Variants in VPS37A observed in about 807,000 individuals in gnomAD.
The protein encoded by VPS37A is vacuolar protein sorting-associated protein 37A.
In VPS37A, 30 loss-of-function variants were observed where a neutral mutation model predicts 49.8. The ratio of observed to expected loss-of-function variants is 0.60; its 90% CI spans 0.45 to 0.82. The LOEUF is 0.82. Among genes scored for constraint, VPS37A ranks in the 40% least tolerant of loss-of-function variants. VPS37A has a pLI of 0.00. For synonymous variants in VPS37A, 195 were observed against 160.6 expected, an observed-to-expected ratio of 1.21 and a Z score of -1.62; for missense variants, 593 against 464.4, an observed-to-expected ratio of 1.28 and a Z score of -2.55.
chr8:17,249,884 A>T (rs530175067), intron 1 of VPS37A, among the ~76,000 whole-genome samples: 1 of 152,368 alleles, frequency 6.6e-6, no homozygotes, highest in East Asian at 1.9e-4. Flanking sequence ...ATTTATGATT[A>T]GGTTCAATGA....
At chr8:17,252,524 T>C (rs1412201287) in intron 1 of VPS37A, among the ~76,000 whole-genome samples, 1 of 152,194 alleles carries the variant, frequency 6.6e-6, no homozygotes, top group African/African-American at 2.4e-5. Flanking sequence ...TAGTTTTATG[T>C]TCACAGCAAA....
intron 1 of VPS37A, among the ~76,000 whole-genome samples, chr8:17,258,267 T>C (rs1812659998): frequency 1.3e-5 from 2 of 152,212 alleles, no homozygotes; most frequent in Non-Finnish European, 2.9e-5. Flanking sequence ...ACATTCACTA[T>C]AATGTCAACT....
rs578005733 is a variant in VPS37A at position 17,275,420 on chromosome 8, C to T, written c.642+462C>T. 2.0e-4 allele frequency among the ~76,000 whole-genome samples: 31 copies of T among 152,288 alleles called. No homozygotes were observed. The South Asian group carries it at 2.7e-3, about 13-fold the overall frequency. ...ATAACAAGGGGATACATAAGGCATT[C>T]TTTGAGAGGCAGTAACATTGTCAAA... On this transcript the variant is annotated intron_variant, in intron 5 of 11. Transcript: ENST00000324849.
At chr8:17,298,392 T>A (rs1214915772), downstream of VPS37A, 2 of 152,154 alleles carry the variant, frequency 1.3e-5, no homozygotes, top group African/African-American at 4.8e-5. Flanking sequence ...AGTTCTCTAA[T>A]ATATTCTATA....
chr8:17,315,835 G>C, the VPS37A span, among the ~76,000 whole-genome samples: 8 of 152,072 alleles, frequency 5.3e-5, no homozygotes, highest in Non-Finnish European at 8.8e-5. Flanking sequence ...AAAGTAGTGA[G>C]ACTCAGGCTC....
chr8:17,267,507 C>T (rs1040039539), intron 2 of VPS37A, among the ~76,000 whole-genome samples: 21 of 151,618 alleles, frequency 1.4e-4, no homozygotes, highest in Admixed American at 7.9e-4. Flanking sequence ...CTGTTCTTTA[C>T]GTGAAACCAT....
At chr8:17,311,872 A>C in the VPS37A span, 1 of 556,994 alleles carries the variant, frequency 1.8e-6, no homozygotes. Flanking sequence ...GTCACCTCCA[A>C]TAAGCGCATG....
the VPS37A span, among the ~76,000 whole-genome samples, chr8:17,325,778 G>T: frequency 2.0e-5 from 3 of 152,216 alleles, no homozygotes; most frequent in African/African-American, 7.2e-5. Context: ...CTGAAACTGT[G>T]CTCTTACTTC....
At chr8:17,300,040 G>T, downstream of VPS37A, 1 of 1,614,128 alleles carries the variant, frequency 6.2e-7, no homozygotes, top group South Asian at 1.1e-5. Context: ...TAGAATCAGA[G>T]CAGAATCTTC....
At chr8:17,266,091 T>C (rs896431632) in intron 2 of VPS37A, 110 bp downstream of exon 2, 15 of 926,930 alleles carry the variant, frequency 1.6e-5, no homozygotes, top group Admixed American at 2.7e-5. Context: ...CAAGTAACTA[T>C]AATTTATAAA....
intron 1 of VPS37A, among the ~76,000 whole-genome samples, chr8:17,250,301 A>G (rs1015430183): frequency 3.3e-5 from 5 of 152,178 alleles, no homozygotes; most frequent in African/African-American, 4.8e-5. Context: ...CTGAGCCCCA[A>G]TACTGGCAAT....
chr8:17,256,368 G>A (rs1432782382), intron 1 of VPS37A, among the ~76,000 whole-genome samples: 1 of 143,398 alleles, frequency 7.0e-6, no homozygotes, highest in Admixed American at 7.1e-5. Context: ...GAACTCCTGG[G>A]CTCAAGGAGT....
the VPS37A span, among the ~76,000 whole-genome samples, chr8:17,330,662 T>G: frequency 6.6e-6 from 1 of 152,196 alleles, no homozygotes; most frequent in East Asian, 1.9e-4. Flanking sequence ...AAAGTGTGTG[T>G]GGAGGTGGCG....
chr8:17,300,337 G>C, downstream of VPS37A: 1 of 1,168,858 alleles, frequency 8.6e-7, no homozygotes, highest in Non-Finnish European at 1.2e-6. Flanking sequence ...TTAAGAACAT[G>C]TGACTCAGAG....
chr8:17,304,145 T>C (rs1446281474), downstream of VPS37A, among the ~76,000 whole-genome samples: 1 of 152,194 alleles, frequency 6.6e-6, no homozygotes, highest in Admixed American at 6.5e-5. Context: ...TTTTATGATA[T>C]CATTATTATA....
chr8:17,248,445 T>G lies in VPS37A; in HGVS notation c.125+1076T>G, dbSNP rs1418076197. On this transcript the variant is annotated intron_variant, in intron 1 of 11. Transcript: ENST00000324849. ...GCGCGCCACCATGCGCGGCTAATAT[T>G]TTGTATTTTTAGTAGAGACGGGGTT... 3 of 450,298 alleles carry G rather than the reference T, an allele frequency of 6.7e-6. No individual in the cohort carries two copies. The East Asian group carries it at 2.1e-4, about 31-fold the overall frequency. The allele number at this position is 450,298 out of a possible 1,614,324, so 27.9% of individuals were successfully genotyped here. A position where few individuals can be genotyped will look rare whatever the true frequency, so the allele number is the denominator to read the frequency against.
chr8:17,277,749 G>A (rs1213318591), intron 6 of VPS37A, among the ~76,000 whole-genome samples: 1 of 151,110 alleles, frequency 6.6e-6, no homozygotes, highest in African/African-American at 2.4e-5. Flanking sequence ...TATTTTTGTG[G>A]GCAGTTTGTT....
Position 17,276,410 on chromosome 8 carries a change from GT to G in VPS37A, c.660del (p.Phe220LeufsTer18). ...VDASIPTSQN[G>X]FGYKMPDVPD... is the part of the protein sequence containing the mutation. ...ACTTTTCTTTAGACAAGCCAAAATG[GT>G]TTTGGGTACAAGATGCCAGATGTCC... On this transcript the variant is annotated frameshift_variant, in exon 6 of 12. Coordinates refer to ENST00000324849, the MANE Select transcript of VPS37A (RefSeq NM_152415.3). LOFTEE classifies it high-confidence loss of function. 1 of 1,611,728 alleles carries G rather than the reference GT, an allele frequency of 6.2e-7. No homozygotes were observed. The highest frequency in any genetic ancestry group is 8.5e-7 in the Non-Finnish European group (1 of 1,179,034).
At chr8:17,282,640 G>C (rs1279779120) in intron 9 of VPS37A, among the ~76,000 whole-genome samples, 1 of 151,970 alleles carries the variant, frequency 6.6e-6, no homozygotes, top group Non-Finnish European at 1.5e-5. Context: ...CTGACAAAAG[G>C]AGAAATATAA....
Sources: allele counts gnomAD v4.1 joint callset (sites outside exome capture counted in the v4.1 genomes callset), GRCh38; gene constraint gnomAD v4.1.1; transcripts MANE v1.5; gene names NCBI Gene and HGNC (gene_info 2026-07-23, HGNC 2026-07-21).